Variants in MYRIP observed in about 807,000 individuals in gnomAD.
MYRIP encodes rab effector MyRIP.
A neutral mutation model predicts 98.0 loss-of-function variants in MYRIP; 49 were observed. The observed-to-expected ratio is 0.50, with a 90% confidence interval of 0.40 to 0.63. The LOEUF is 0.63. Among genes scored for constraint, MYRIP ranks in the 30% least tolerant of loss-of-function variants. The pLI, the probability that MYRIP is intolerant of heterozygous loss-of-function variation, is 0.00. For synonymous variants in MYRIP, 404 were observed against 409.5 expected, an observed-to-expected ratio of 0.99 and a Z score of 0.16; for missense variants, 1,004 against 1,058.2, an observed-to-expected ratio of 0.95 and a Z score of 0.71.
At chr3:39,877,028 G>A (rs1373558701) in intron 1 of MYRIP, among the ~76,000 whole-genome samples, 1 of 152,112 alleles carries the variant, frequency 6.6e-6, no homozygotes, top group Non-Finnish European at 1.5e-5. Context: ...TTTCTTGGAG[G>A]CTTTGCTTGT....
At chr3:40,149,658 C>CTGAG (rs769007034) in intron 3 of MYRIP, among the ~76,000 whole-genome samples, 25 of 152,202 alleles carry the variant, frequency 1.6e-4, no homozygotes, top group Non-Finnish European at 2.8e-4. Context: ...AATTACCTTT[C>CTGAG]TGAGTACTGT....
chr3:40,141,623 A>G (rs911915595), intron 3 of MYRIP, among the ~76,000 whole-genome samples: 1 of 152,200 alleles, frequency 6.6e-6, no homozygotes, highest in Non-Finnish European at 1.5e-5. Context: ...ATTTTTGTGT[A>G]GGGTGAGAGG....
intron 3 of MYRIP, among the ~76,000 whole-genome samples, chr3:40,067,973 A>G (rs1948155788): frequency 1.3e-5 from 2 of 152,190 alleles, no homozygotes; most frequent in Non-Finnish European, 2.9e-5. Context: ...TACAATAGCC[A>G]TAGTTATTGA....
At chr3:40,164,090 A>C (rs1172560676) in intron 5 of MYRIP, among the ~76,000 whole-genome samples, 1 of 152,108 alleles carries the variant, frequency 6.6e-6, no homozygotes, top group African/African-American at 2.4e-5. Flanking sequence ...AACTTGTCCT[A>C]GTCAAGCTCT....
At chr3:40,141,408 C>A (rs981883304) in intron 3 of MYRIP, among the ~76,000 whole-genome samples, 2 of 152,136 alleles carry the variant, frequency 1.3e-5, no homozygotes, top group African/African-American at 4.8e-5. Flanking sequence ...GTTGTCTTTT[C>A]ACTCTGTCAG....
chr3:39,890,851 G>T (rs919067882), intron 1 of MYRIP, among the ~76,000 whole-genome samples: 5 of 152,088 alleles, frequency 3.3e-5, no homozygotes, highest in African/African-American at 1.2e-4. Flanking sequence ...ATTTGAGCCA[G>T]CTGATCAATG....
chr3:40,174,313 G>A (rs1950698473), intron 8 of MYRIP: 1 of 152,182 alleles, frequency 6.6e-6, no homozygotes, highest in Non-Finnish European at 1.5e-5. Flanking sequence ...GCTCCCTCCT[G>A]TCCTCTCCCT....
chr3:40,037,472 G>A (rs1159290488), intron 2 of MYRIP, among the ~76,000 whole-genome samples: 2 of 151,898 alleles, frequency 1.3e-5, no homozygotes, highest in African/African-American at 4.8e-5. Flanking sequence ...GGGACTTTAT[G>A]TTCCTTTTAC....
chr3:39,820,175 A>G (rs1346577484), intron 1 of MYRIP, among the ~76,000 whole-genome samples: 7 of 152,174 alleles, frequency 4.6e-5, no homozygotes, highest in African/African-American at 1.4e-4. Context: ...TAATGTGGCT[A>G]TTTGCCAAAA....
At chr3:40,148,456 C>G (rs189694193) in intron 3 of MYRIP, among the ~76,000 whole-genome samples, 3 of 152,226 alleles carry the variant, frequency 2.0e-5, no homozygotes, top group Admixed American at 2.0e-4. Context: ...CCCCATGTCT[C>G]TTTTCTCTCA....
intron 3 of MYRIP, among the ~76,000 whole-genome samples, chr3:40,134,430 C>G (rs1575564751): frequency 1.3e-5 from 2 of 152,374 alleles, no homozygotes; most frequent in African/African-American, 4.8e-5. Flanking sequence ...AGAGGCCTGC[C>G]TGCCTCTGTA....
intron 9 of MYRIP, among the ~76,000 whole-genome samples, chr3:40,182,712 T>C (rs550576841): frequency 5.9e-5 from 9 of 152,294 alleles, no homozygotes; most frequent in Admixed American, 2.6e-4. Context: ...CAGCTGCCTG[T>C]TCTATGTGGA....
At chr3:39,947,687 G>C (rs1944933621) in intron 2 of MYRIP, among the ~76,000 whole-genome samples, 1 of 152,144 alleles carries the variant, frequency 6.6e-6, no homozygotes, top group South Asian at 2.1e-4. Context: ...AGCATCACTT[G>C]AACCTGGTAA....
At chr3:40,219,224 G>A (rs1254630049) in intron 11 of MYRIP, among the ~76,000 whole-genome samples, 2 of 152,218 alleles carry the variant, frequency 1.3e-5, no homozygotes, top group African/African-American at 2.4e-5. Context: ...ACAATTACTA[G>A]AATAAATTAT....
intron 1 of MYRIP, among the ~76,000 whole-genome samples, chr3:39,889,225 C>T (rs1404069842): frequency 1.3e-5 from 2 of 152,150 alleles, no homozygotes; most frequent in Non-Finnish European, 2.9e-5. Flanking sequence ...AAGACACATG[C>T]ACACGTATGT....
chr3:39,826,208 G>A (rs1941261585), intron 1 of MYRIP, among the ~76,000 whole-genome samples: 1 of 150,914 alleles, frequency 6.6e-6, no homozygotes. Flanking sequence ...TACTAATTTT[G>A]AATTTGGTAT....
intron 1 of MYRIP, among the ~76,000 whole-genome samples, chr3:39,892,456 TAA>T (rs1261429530): frequency 6.6e-6 from 1 of 152,234 alleles, no homozygotes; most frequent in Non-Finnish European, 1.5e-5. Context: ...CAGTGTGGAC[TAA>T]GTTGGGGACT....
At chr3:39,889,848 C>T (rs887686030) in intron 1 of MYRIP, among the ~76,000 whole-genome samples, 2 of 152,040 alleles carry the variant, frequency 1.3e-5, no homozygotes, top group South Asian at 2.1e-4. Flanking sequence ...AAAGAATCAT[C>T]TCATGTTTTC....
intron 1 of MYRIP, among the ~76,000 whole-genome samples, chr3:39,895,598 A>G (rs1203178784): frequency 1.3e-5 from 2 of 152,040 alleles, no homozygotes; most frequent in Non-Finnish European, 2.9e-5. Context: ...CTTAACTTCT[A>G]CTGAATCTCA....
Sources: gnomAD v4.1 joint callset for allele counts (sites outside exome capture counted in the v4.1 genomes callset) on GRCh38, gnomAD v4.1.1 for gene constraint, MANE v1.5 for transcripts, NCBI Gene and HGNC (gene_info 2026-07-23, HGNC 2026-07-21) for gene names.